Variants in BARX2 observed in about 807,000 individuals in gnomAD.
BARX2 encodes homeobox protein BarH-like 2.
A neutral mutation model predicts 25.5 loss-of-function variants in BARX2; 11 were observed. That is an observed-to-expected ratio of 0.43 (90% CI 0.27 to 0.71). BARX2 has a LOEUF of 0.71. BARX2 is among the 30% of genes least tolerant of loss of function. The pLI is 0.19. For synonymous variants in BARX2, 137 were observed against 149.5 expected, an observed-to-expected ratio of 0.92 and a Z score of 0.61; for missense variants, 360 against 359.9, an observed-to-expected ratio of 1.00 and a Z score of 0.00.
intron 1 of BARX2, among the ~76,000 whole-genome samples, chr11:129,399,585 G>A (rs748263788): frequency 2.6e-5 from 4 of 152,140 alleles, no homozygotes; most frequent in Admixed American, 6.5e-5. Context: ...AGGGTGAGCT[G>A]GTGGTGTTAG....
intron 1 of BARX2, among the ~76,000 whole-genome samples, chr11:129,380,584 C>G (rs562855535): frequency 6.6e-6 from 1 of 152,058 alleles, no homozygotes; most frequent in African/African-American, 2.4e-5. Context: ...GAAAAATGAT[C>G]GTTATCAACA....
intron 1 of BARX2, among the ~76,000 whole-genome samples, chr11:129,432,488 C>A (rs1678909047): frequency 6.6e-6 from 1 of 152,186 alleles, no homozygotes; most frequent in Admixed American, 6.5e-5. Context: ...CGAGAAAATT[C>A]TCTAGACCTT....
intron 1 of BARX2, among the ~76,000 whole-genome samples, chr11:129,397,622 G>A (rs1299331531): frequency 1.3e-5 from 2 of 152,194 alleles, no homozygotes; most frequent in Non-Finnish European, 2.9e-5. Context: ...CGCACCAGGC[G>A]CTATGTGAAG....
chr11:129,417,846 A>T (rs1294494873), intron 1 of BARX2, among the ~76,000 whole-genome samples: 3 of 152,168 alleles, frequency 2.0e-5, no homozygotes, highest in African/African-American at 7.2e-5. Context: ...TTACATTGTC[A>T]TTTTCGTAAG....
At chr11:129,408,083 G>A (rs1296766802) in intron 1 of BARX2, among the ~76,000 whole-genome samples, 3 of 148,208 alleles carry the variant, frequency 2.0e-5, no homozygotes, top group African/African-American at 5.0e-5. Context: ...AAGTGAAGAA[G>A]GAGAAGCGGG....
intron 1 of BARX2, among the ~76,000 whole-genome samples, chr11:129,428,726 G>A (rs1862094839): frequency 6.6e-6 from 1 of 152,162 alleles, no homozygotes. Context: ...CTGTTCTTCT[G>A]AACTTTAGAG....
At chr11:129,446,541 A>G (rs1160975421) in intron 3 of BARX2, among the ~76,000 whole-genome samples, 1 of 152,174 alleles carries the variant, frequency 6.6e-6, no homozygotes, top group African/African-American at 2.4e-5. Context: ...AAGAGATGTT[A>G]TTGCCGTTAT....
At chr11:129,423,996 C>G (rs1451941306) in intron 1 of BARX2, among the ~76,000 whole-genome samples, 1 of 152,036 alleles carries the variant, frequency 6.6e-6, no homozygotes, top group African/African-American at 2.4e-5. Context: ...ACTACAGGTG[C>G]CTGCCACCAT....
intron 1 of BARX2, among the ~76,000 whole-genome samples, chr11:129,433,383 A>G (rs544414023): frequency 7.2e-5 from 11 of 152,120 alleles, no homozygotes; most frequent in African/African-American, 2.2e-4. Flanking sequence ...CTGCAGTCCA[A>G]CCTCCTTAGG....
At chr11:129,402,227 G>T (rs563923819) in intron 1 of BARX2, among the ~76,000 whole-genome samples, 1 of 152,020 alleles carries the variant, frequency 6.6e-6, no homozygotes, top group Non-Finnish European at 1.5e-5. Context: ...CTGCAGCTTT[G>T]GGGGCACAGA....
intron 3 of BARX2, among the ~76,000 whole-genome samples, chr11:129,447,717 G>A (rs757504014): frequency 4.6e-5 from 7 of 152,054 alleles, no homozygotes; most frequent in African/African-American, 7.2e-5. Context: ...GGTGGGGTCC[G>A]TCCAAACCGT....
At chr11:129,406,093 G>A (rs1040551613) in intron 1 of BARX2, among the ~76,000 whole-genome samples, 3 of 152,040 alleles carry the variant, frequency 2.0e-5, no homozygotes, top group East Asian at 1.9e-4. Flanking sequence ...ACAGTGCCTC[G>A]CCTATGGTAA....
chr11:129,393,565 G>A (rs1485862334), intron 1 of BARX2, among the ~76,000 whole-genome samples: 6 of 150,058 alleles, frequency 4.0e-5, no homozygotes, highest in Admixed American at 3.3e-4. Flanking sequence ...CATAGCTGAA[G>A]TTCTAGGGAA....
chr11:129,390,432 A>G lies in BARX2; in HGVS notation c.187+14210A>G, dbSNP rs11221701. 0.042 allele frequency among the ~76,000 whole-genome samples: 6,403 copies of G among 152,202 alleles called. 329 individuals are homozygous for G. The highest frequency in any genetic ancestry group is 0.18 in the East Asian group (912 of 5,176). Reference sequence around the variant, plus strand: ...TCAGTCAGAGACATGGATCGTTGGCATCTTGTTGAGAATATTCTATTCAGC... The same window carrying G: ...TCAGTCAGAGACATGGATCGTTGGCGTCTTGTTGAGAATATTCTATTCAGC... On this transcript the variant is annotated intron_variant, in intron 1 of 3. Coordinates refer to ENST00000281437, the MANE Select transcript of BARX2 (RefSeq NM_003658.5). This position sits in a 1 kb window ranked among gnomAD's most constrained non-coding sequence, Gnocchi z 4.3.
At chr11:129,402,265 T>G (rs117704564) in intron 1 of BARX2, among the ~76,000 whole-genome samples, 1,845 of 152,122 alleles carry the variant, frequency 0.012, 25 homozygotes, top group Non-Finnish European at 0.015. Context: ...GTCCCTTACT[T>G]CTTAGCATGT....
At chr11:129,392,283 T>C (rs2135388538) in intron 1 of BARX2, among the ~76,000 whole-genome samples, 1 of 152,314 alleles carries the variant, frequency 6.6e-6, no homozygotes, top group Admixed American at 6.5e-5. Flanking sequence ...ATTAACCTGA[T>C]TTGCTGCAAC....
chr11:129,402,912 A>G (rs1180671394), intron 1 of BARX2, among the ~76,000 whole-genome samples: 1 of 152,258 alleles, frequency 6.6e-6, no homozygotes, highest in African/African-American at 2.4e-5. Flanking sequence ...AAGACATTCC[A>G]GGAAGGAAGT....
intron 1 of BARX2, among the ~76,000 whole-genome samples, chr11:129,401,545 A>T (rs986929981): frequency 1.3e-5 from 2 of 152,240 alleles, no homozygotes; most frequent in African/African-American, 4.8e-5. Flanking sequence ...ACACAAGATC[A>T]GAAAGAGCAA....
chr11:129,415,858 A>T (rs1280391498), intron 1 of BARX2, among the ~76,000 whole-genome samples: 1 of 152,230 alleles, frequency 6.6e-6, no homozygotes, highest in Non-Finnish European at 1.5e-5. Context: ...TTTTAGAAGT[A>T]AATTAGTGAC....
Sources: gnomAD v4.1 joint callset for allele counts (sites outside exome capture counted in the v4.1 genomes callset) on GRCh38, gnomAD v4.1.1 for gene constraint, Gnocchi (gnomAD v3.1) non-coding constraint, MANE v1.5 for transcripts, NCBI Gene and HGNC (gene_info 2026-07-23, HGNC 2026-07-21) for gene names.